COL13A1: variants seen among roughly 807,000 people sequenced by gnomAD.
COL13A1 encodes collagen alpha-1(XIII) chain.
COL13A1 carries 89 observed loss-of-function variants against 130.9 expected under a neutral mutation model. That is an observed-to-expected ratio of 0.68 (90% confidence interval 0.57 to 0.81). COL13A1 has a LOEUF of 0.81. COL13A1 is among the 30% of genes least tolerant of loss of function. The pLI is 0.00. For missense variants in COL13A1, 879 were observed against 934.6 expected (o/e 0.94, Z 0.78); for synonymous variants, 402 against 341.6 (o/e 1.18, Z -1.95).
intron 34 of COL13A1, among the ~76,000 whole-genome samples, chr10:69,939,195 G>T (rs2067310591): frequency 6.6e-6 from 1 of 152,164 alleles, no homozygotes; most frequent in South Asian, 2.1e-4. Context: ...CTAGGGAGTG[G>T]AGGGGACTGT....
rs773275412 is a variant in COL13A1, at chr10:69,925,902, T to C, written c.1398+30T>C. On this transcript the variant is annotated intron_variant, in intron 26 of 40. Coordinates refer to ENST00000645393, the MANE Select transcript of COL13A1 (RefSeq NM_001368882.1). ...GCAGGGTCCAGCCCAGAGGCCAAGA[T>C]CCTCATGGATCTCAGGCTCTGCACC... is the stretch of plus-strand genomic sequence containing the variant. The C allele has an allele frequency of 5.8e-6, 9 of 1,540,410 alleles. No homozygotes were observed. The South Asian group carries it at 1.1e-4, about 18-fold the overall frequency.
At chr10:69,862,978 TAGA>T (rs1317279969) in intron 2 of COL13A1, among the ~76,000 whole-genome samples, 1 of 152,160 alleles carries the variant, frequency 6.6e-6, no homozygotes, top group Non-Finnish European at 1.5e-5. Context: ...GGCCAAACTG[TAGA>T]AGAATGGGAT....
intron 8 of COL13A1, 99 bp from the exon 9 acceptor site, chr10:69,888,205 T>C (rs1035924959): frequency 4.9e-6 from 7 of 1,440,200 alleles, no homozygotes; most frequent in Non-Finnish European, 6.7e-6. Context: ...CTCCAACTTA[T>C]CAGAATCCAG....
intron 1 of COL13A1, among the ~76,000 whole-genome samples, chr10:69,809,643 T>C (rs1003416819): frequency 6.6e-6 from 1 of 152,212 alleles, no homozygotes; most frequent in Admixed American, 6.5e-5. Flanking sequence ...GTACCATACC[T>C]CTCTAACTCT....
rs776858783 is a variant in COL13A1, at chr10:69,918,273, T to C, written c.967-12T>C. ...GAATGTCTTCAGACCTTTTTTTTTC[T>C]CTCTCTGCCAGGGGGCGCCCGGAAT... On this transcript the variant is annotated splice_polypyrimidine_tract_variant and intron_variant, in intron 18 of 40. Transcript: ENST00000645393. 6.2e-7 allele frequency: 1 copy of C among 1,611,570 alleles called. No individual in the cohort carries two copies. Among genetic ancestry groups the C allele is most frequent in the East Asian group, 2.2e-5 (1 of 44,806 alleles).
intron 2 of COL13A1, chr10:69,860,647 G>A (rs10823443): frequency 0.24 from 42,346 of 175,632 alleles, 5,710 homozygotes; most frequent in East Asian, 0.55. Flanking sequence ...TCTTGCCAGG[G>A]GCTGGGCATC....
chr10:69,952,457 G>A (rs990520457), intron 38 of COL13A1, among the ~76,000 whole-genome samples: 1 of 151,992 alleles, frequency 6.6e-6, no homozygotes, highest in African/African-American at 2.4e-5. Context: ...CCTCCTAATA[G>A]AATGTCAAAA....
intron 1 of COL13A1, among the ~76,000 whole-genome samples, chr10:69,805,694 G>T (rs767387532): frequency 6.6e-6 from 1 of 152,128 alleles, no homozygotes; most frequent in African/African-American, 2.4e-5. Flanking sequence ...AGCAGCTTCT[G>T]GGCCTGCAAA....
intron 10 of COL13A1, 24 bp from the exon 11 acceptor site, chr10:69,894,528 C>T (rs368896071): frequency 3.1e-6 from 5 of 1,613,472 alleles, no homozygotes; most frequent in Non-Finnish European, 3.4e-6. Context: ...TGCCCACTGA[C>T]CTGTGTGTGT....
At position 69,959,010 on chromosome 10, in the gene COL13A1, G is replaced by A. The variant is rs2071338006; in HGVS notation, c.*309G>A. 5 of 357,004 alleles carry A rather than the reference G, an allele frequency of 1.4e-5. No individual in the cohort carries two copies. Among genetic ancestry groups the A allele is most frequent in the Non-Finnish European group, 2.0e-5 (4 of 196,630 alleles). 22.1% of individuals were successfully genotyped at this position (357,004 alleles called of 1,614,324 possible). On this transcript the variant is annotated 3_prime_UTR_variant, in exon 41 of 41. Transcript: ENST00000645393. ...TCCTGGTGCCAAAGGGGGCCAGCCA[G>A]AACTGAGGTGCTGGCTAGCTCATGT...
chr10:69,899,723 C>T (rs996372444), intron 14 of COL13A1, among the ~76,000 whole-genome samples: 5 of 152,236 alleles, frequency 3.3e-5, no homozygotes, highest in African/African-American at 1.2e-4. Context: ...GGCCTCTGCT[C>T]TTCAGAGATC....
chr10:69,941,733 C>T (rs1295271810), intron 35 of COL13A1, among the ~76,000 whole-genome samples: 1 of 152,206 alleles, frequency 6.6e-6, no homozygotes, highest in Non-Finnish European at 1.5e-5. Flanking sequence ...CTAGAAAGCA[C>T]CTGGCCCTTC....
intron 17 of COL13A1, among the ~76,000 whole-genome samples, chr10:69,909,568 A>G (rs1291561462): frequency 3.3e-5 from 5 of 151,894 alleles, no homozygotes; most frequent in South Asian, 2.1e-4. Context: ...CTTGCCACTA[A>G]CTCTCCACTG....
intron 6 of COL13A1, 81 bp downstream of exon 6, chr10:69,878,146 C>G (rs2059789876): frequency 5.8e-6 from 4 of 694,886 alleles, no homozygotes; most frequent in Non-Finnish European, 5.3e-6. Flanking sequence ...CTCAGCCCTC[C>G]CCCCCATGAA....
intron 7 of COL13A1, among the ~76,000 whole-genome samples, chr10:69,887,197 C>T (rs1003596415): frequency 3.3e-5 from 5 of 152,210 alleles, no homozygotes; most frequent in Non-Finnish European, 5.9e-5. Context: ...TCTCCAGGAG[C>T]CACTTCCCAG....
At chr10:69,888,971 C>T (rs1159554565) in intron 9 of COL13A1, among the ~76,000 whole-genome samples, 2 of 152,180 alleles carry the variant, frequency 1.3e-5, no homozygotes, top group Admixed American at 6.5e-5. Flanking sequence ...CACAGCCATG[C>T]CTGGCCCCGC....
chr10:69,932,617 T>C lies in COL13A1; in HGVS notation c.1728+13T>C. ...TCCAGGAGCAGAGGTACATGAGAGA[T>C]AATTTGACAGAGACTCATCAAGCGA... On this transcript the variant is annotated intron_variant, in intron 31 of 40. Transcript: ENST00000645393. 2.5e-6 allele frequency: 4 copies of C among 1,582,258 alleles called. No individual in the cohort carries two copies. The highest frequency in any genetic ancestry group is 3.5e-6 in the Non-Finnish European group (4 of 1,151,600).
rs568230250 is a variant in COL13A1 at position 69,931,471 on chromosome 10, G to A, written c.1683+919G>A. Reference sequence around the variant, plus strand: ...AGGAGTTGCATCTTCCTTGGCTCACGGTATGATGGCCTCTAGGAGCACCAA... The same window carrying A: ...AGGAGTTGCATCTTCCTTGGCTCACAGTATGATGGCCTCTAGGAGCACCAA... On this transcript the variant is annotated intron_variant, in intron 30 of 40. Coordinates refer to ENST00000645393, the MANE Select transcript of COL13A1 (RefSeq NM_001368882.1). 5.3e-5 allele frequency among the ~76,000 whole-genome samples: 8 copies of A among 152,286 alleles called. No individual in the cohort carries two copies. In the South Asian group the frequency reaches 6.2e-4, roughly 12 times the overall value.
intron 10 of COL13A1, among the ~76,000 whole-genome samples, chr10:69,894,027 C>T (rs2061420600): frequency 6.6e-6 from 1 of 152,234 alleles, no homozygotes; most frequent in South Asian, 2.1e-4. Flanking sequence ...CCCTCATATT[C>T]CTTGGAGAAG....
Sources: gnomAD v4.1 joint callset for allele counts (sites outside exome capture counted in the v4.1 genomes callset) on GRCh38, gnomAD v4.1.1 for gene constraint, MANE v1.5 for transcripts, NCBI Gene and HGNC (gene_info 2026-07-23, HGNC 2026-07-21) for gene names.